Variants in CHMP4B observed in about 807,000 individuals in gnomAD.
The protein encoded by CHMP4B is SNF7 homolog associated with Alix 1.
CHMP4B carries 1 observed loss-of-function variant against 25.1 expected under a neutral mutation model. The ratio of observed to expected loss-of-function variants is 0.04; its 90% CI spans 0.01 to 0.19. The LOEUF (loss-of-function observed/expected upper bound fraction) is 0.19. Among genes scored for constraint, CHMP4B ranks in the 10% least tolerant of loss-of-function variants. The probability of loss-of-function intolerance (pLI) is 1.00; values close to 1 mark genes in which losing one functional copy is unlikely to be tolerated. For missense variants in CHMP4B, 151 were observed against 289.7 expected (o/e 0.52, Z 3.48); for synonymous variants, 101 against 115.6 (o/e 0.87, Z 0.81).
intron 1 of CHMP4B, among the ~76,000 whole-genome samples, chr20:33,832,955 A>G (rs1979296087): frequency 9.3e-6 from 1 of 107,412 alleles, no homozygotes; most frequent in Admixed American, 1.0e-4. Flanking sequence ...ATTAAAAAAA[A>G]ATTTTTTTTT....
chr20:33,833,500 C>T (rs889461492), intron 1 of CHMP4B, among the ~76,000 whole-genome samples: 2 of 152,150 alleles, frequency 1.3e-5, no homozygotes, highest in Non-Finnish European at 2.9e-5. Flanking sequence ...CAGTGGTTGC[C>T]AGCCCCTTCT....
intron 1 of CHMP4B, among the ~76,000 whole-genome samples, chr20:33,834,789 C>G (rs1177816723): frequency 3.9e-5 from 6 of 152,010 alleles, no homozygotes; most frequent in Non-Finnish European, 8.8e-5. Context: ...GTTCGTGATT[C>G]CTATTTATTT....
intron 1 of CHMP4B, among the ~76,000 whole-genome samples, chr20:33,826,951 T>C (rs1049847364): frequency 1.3e-5 from 2 of 152,240 alleles, no homozygotes; most frequent in Non-Finnish European, 2.9e-5. Flanking sequence ...TGTTTATCTT[T>C]GGTTTAAGAG....
rs151144629 is a variant in CHMP4B, at chr20:33,838,479, C to T, written c.191-9988C>T. Among the ~76,000 whole-genome samples, 174 of 152,224 alleles carry T rather than the reference C, an allele frequency of 1.1e-3. 1 individual carries two copies. Among genetic ancestry groups the T allele is most frequent in the African/African-American group, 4.1e-3 (169 of 41,520 alleles). Reference sequence around the variant, plus strand: ...AGTGTGGGCTCAGTGTTGCCAGATACTCCATCTTTACAAAAGGAAGCCAAA... The same window carrying T: ...AGTGTGGGCTCAGTGTTGCCAGATATTCCATCTTTACAAAAGGAAGCCAAA... On this transcript the variant is annotated intron_variant, in intron 1 of 4. Transcript: ENST00000217402.
chr20:33,813,604 G>GA (rs1216049056), intron 1 of CHMP4B, among the ~76,000 whole-genome samples: 1 of 152,168 alleles, frequency 6.6e-6, no homozygotes, highest in Non-Finnish European at 1.5e-5. Flanking sequence ...TCTGTTTATG[G>GA]TCATCAGAAT....
chr20:33,845,242 T>G (rs1398900787), intron 1 of CHMP4B, among the ~76,000 whole-genome samples: 1 of 152,128 alleles, frequency 6.6e-6, no homozygotes, highest in Non-Finnish European at 1.5e-5. Flanking sequence ...TCTGGATGAT[T>G]AAATGAAATA....
At chr20:33,827,850 G>A (rs1473920846) in intron 1 of CHMP4B, among the ~76,000 whole-genome samples, 4 of 152,222 alleles carry the variant, frequency 2.6e-5, no homozygotes, top group African/African-American at 4.8e-5. Context: ...TTTGTCTCCT[G>A]TGTGAGGATC....
chr20:33,822,074 C>A (rs1601317749), intron 1 of CHMP4B, among the ~76,000 whole-genome samples: 1 of 152,024 alleles, frequency 6.6e-6, no homozygotes. Context: ...ATCCACCCAC[C>A]TTGGCCTCCT....
In CHMP4B at chr20:33,853,624, C is replaced by T. The variant is rs1016854214; in HGVS notation, c.*64C>T. Reference sequence around the variant, plus strand: ...GGCCTGCGCAGCGAGCAGGCGTGTGCGTGTGTGGGGCAGGCAGGATGTGGT... The same window carrying T: ...GGCCTGCGCAGCGAGCAGGCGTGTGTGTGTGTGGGGCAGGCAGGATGTGGT... On this transcript the variant is annotated 3_prime_UTR_variant, in exon 5 of 5. Coordinates refer to ENST00000217402, the MANE Select transcript of CHMP4B (RefSeq NM_176812.5). 60 of 1,422,702 alleles carry T rather than the reference C, an allele frequency of 4.2e-5. No homozygotes were observed. The highest frequency in any genetic ancestry group is 5.4e-5 in the Non-Finnish European group (54 of 1,006,814). The allele number at this position is 1,422,702 out of a possible 1,614,324, so 88.1% of individuals were successfully genotyped here.
chr20:33,823,214 C>T (rs1978996126), intron 1 of CHMP4B, among the ~76,000 whole-genome samples: 2 of 151,862 alleles, frequency 1.3e-5, no homozygotes, highest in South Asian at 4.1e-4. Context: ...ATGTACTTTA[C>T]AAACTTGATC....
chr20:33,826,484 G>A (rs1041694065), intron 1 of CHMP4B, among the ~76,000 whole-genome samples: 3 of 152,138 alleles, frequency 2.0e-5, no homozygotes, highest in Admixed American at 1.3e-4. Flanking sequence ...TGAATTTAGC[G>A]AGACACATAC....
chr20:33,811,373 G>A lies in CHMP4B; in HGVS notation c.-96G>A. The A allele has an allele frequency of 8.4e-6, 9 of 1,068,698 alleles. No individual in the cohort carries two copies. Among genetic ancestry groups the A allele is most frequent in the Non-Finnish European group, 9.6e-6 (8 of 837,110 alleles). 66.2% of individuals were successfully genotyped at this position (1,068,698 alleles called of 1,614,324 possible). On this transcript the variant is annotated 5_prime_UTR_variant, in exon 1 of 5. Transcript: ENST00000217402. ...GGAGAGGCCTGCGGCGGCAGGGAGC[G>A]GCGGGACTGGGAGCGGGCGCCGGAG...
chr20:33,811,507 TAAGGCCGGC>T lies in CHMP4B; in HGVS notation c.44_52del (p.Ala15_Lys17del), dbSNP rs971558592. On this transcript the variant is annotated inframe_deletion, in exon 1 of 5. Transcript: ENST00000217402. ...GGAAGCTGTTCGGGGCTGGAGGGGG[TAAGGCCGGC>T]AAGGGCGGCCCGACCCCCCAGGAGG... is the stretch of plus-strand genomic sequence containing the variant. The T allele has an allele frequency of 5.0e-6, 8 of 1,597,484 alleles. No homozygotes were observed. The Admixed American group carries it at 8.8e-5, about 18-fold the overall frequency.
chr20:33,853,723 C>A lies in CHMP4B; in HGVS notation c.*163C>A. The stretch of plus-strand genomic sequence containing the variant: ...GCGTTGCTGCTCACTCTCTGCATAG[C>A]ATGGTCTGCACCTGGGAGATGGGCG... On this transcript the variant is annotated 3_prime_UTR_variant, in exon 5 of 5. Coordinates refer to ENST00000217402, the MANE Select transcript of CHMP4B (RefSeq NM_176812.5). The A allele has an allele frequency of 2.5e-6, 1 of 396,784 alleles. No homozygotes were observed. Among genetic ancestry groups the A allele is most frequent in the Non-Finnish European group, 4.7e-6 (1 of 212,288 alleles). The allele number at this position is 396,784 out of a possible 1,614,324, so 24.6% of individuals were successfully genotyped here.
At chr20:33,817,504 C>T (rs1203070589) in intron 1 of CHMP4B, among the ~76,000 whole-genome samples, 4 of 152,124 alleles carry the variant, frequency 2.6e-5, no homozygotes, top group African/African-American at 9.7e-5. Flanking sequence ...TTGAGTTGTC[C>T]AGAGTTGGGT....
At chr20:33,852,239 C>A in intron 4 of CHMP4B, 36 bp downstream of exon 4, 1 of 1,613,222 alleles carries the variant, frequency 6.2e-7, no homozygotes, top group South Asian at 1.1e-5. Flanking sequence ...ACCGTGAGGT[C>A]ATGTGGCAGG....
intron 1 of CHMP4B, among the ~76,000 whole-genome samples, chr20:33,835,830 G>C (rs987344082): frequency 6.6e-6 from 1 of 152,202 alleles, no homozygotes; most frequent in Non-Finnish European, 1.5e-5. Context: ...GAAGGCGAAG[G>C]GGAGCTTATG....
rs754568395 is a variant in CHMP4B, at chr20:33,821,902, C to T, written c.190+10244C>T. 4.1e-4 allele frequency among the ~76,000 whole-genome samples: 62 copies of T among 152,164 alleles called. 1 individual carries two copies. The highest frequency in any genetic ancestry group is 6.9e-4 in the Non-Finnish European group (47 of 68,020). ...CAAGATCTTGGCTCACTGTAACCTCCGCCTTCTGGGCTGAAGACATCCTCC... is the reference window on the plus strand; with the variant it reads ...CAAGATCTTGGCTCACTGTAACCTCTGCCTTCTGGGCTGAAGACATCCTCC... On this transcript the variant is annotated intron_variant, in intron 1 of 4. Transcript: ENST00000217402.
rs1407595938 is a variant in CHMP4B at position 33,853,570 on chromosome 20, G to A, written c.*10G>A. On this transcript the variant is annotated 3_prime_UTR_variant, in exon 5 of 5. Transcript: ENST00000217402. ...GGCTGGATCCATGTAATGGGGTCCA[G>A]CGCTGGCTGGGCCCAGACAGACTGT... 4.3e-6 allele frequency: 7 copies of A among 1,613,304 alleles called. No homozygotes were observed. The African/African-American group carries it at 9.4e-5, about 22-fold the overall frequency.
Sources: gnomAD v4.1 joint callset for allele counts (sites outside exome capture counted in the v4.1 genomes callset) on GRCh38, gnomAD v4.1.1 for gene constraint, MANE v1.5 for transcripts, NCBI Gene and HGNC (gene_info 2026-07-23, HGNC 2026-07-21) for gene names.